The following NCMAP variants were observed in gnomAD, a reference collection of about 807,000 sequenced individuals.
The protein encoded by NCMAP is noncompact myelin-associated protein.
A neutral mutation model predicts 7.8 loss-of-function variants in NCMAP; 8 were observed. That is an observed-to-expected ratio of 1.02 (90% CI 0.60 to 1.84). The LOEUF is 1.84. Ranked by LOEUF, NCMAP falls within the 40% of genes most tolerant of loss-of-function variation. The probability of loss-of-function intolerance (pLI) is 0.00; values close to 1 mark genes in which losing one functional copy is unlikely to be tolerated. For synonymous variants in NCMAP, 41 were observed against 52.9 expected (o/e 0.78, Z 0.98); for missense variants, 112 against 131.4 (o/e 0.85, Z 0.72).
At chr1:24,567,943 G>C (rs1482679710) in intron 1 of NCMAP, among the ~76,000 whole-genome samples, 3 of 152,198 alleles carry the variant, frequency 2.0e-5, no homozygotes, top group Admixed American at 6.6e-5. Context: ...GAGTGGGCTT[G>C]ATTCTACCCA....
At chr1:24,568,886 T>G (rs894709779) in intron 1 of NCMAP, among the ~76,000 whole-genome samples, 1 of 152,028 alleles carries the variant, frequency 6.6e-6, no homozygotes, top group Non-Finnish European at 1.5e-5. Context: ...GCCTTCCAAG[T>G]AGCTAGGACT....
At position 24,608,207 on chromosome 1, in the gene NCMAP, C is replaced by T. The variant is rs1173879872; in HGVS notation, c.*2460C>T. The T allele has an allele frequency of 1.3e-5, 2 of 152,196 alleles. No homozygotes were observed. The highest frequency in any genetic ancestry group is 2.9e-5 in the Non-Finnish European group (2 of 68,024). 9.4% of individuals were successfully genotyped at this position (152,196 alleles called of 1,614,324 possible). A position where few individuals can be genotyped will look rare whatever the true frequency, so the allele number is the denominator to read the frequency against. ...TTCCAAAGTCACACAGCTAGTAAGT[C>T]ACAAAGACAAGACTCAAAACCAGGT... On this transcript the variant is annotated 3_prime_UTR_variant, in exon 4 of 4. Transcript: ENST00000374392.
At chr1:24,561,881 C>T (rs1364712225) in intron 1 of NCMAP, among the ~76,000 whole-genome samples, 1 of 148,382 alleles carries the variant, frequency 6.7e-6, no homozygotes, top group African/African-American at 2.5e-5. Context: ...CCGCACTCTA[C>T]TCTGGGGGAC....
chr1:24,607,329 C>CA lies in NCMAP; in HGVS notation c.*1582_*1583insA, dbSNP rs1162285396. 6.6e-6 allele frequency: 1 copy of CA among 151,418 alleles called. No individual in the cohort carries two copies. The highest frequency in any genetic ancestry group is 1.5e-5 in the Non-Finnish European group (1 of 67,910). 9.4% of individuals were successfully genotyped at this position (151,418 alleles called of 1,614,324 possible). A position where few individuals can be genotyped will look rare whatever the true frequency, so the allele number is the denominator to read the frequency against. On this transcript the variant is annotated 3_prime_UTR_variant, in exon 4 of 4. Transcript: ENST00000374392. ...GAGCCAACATTATTATTATTATAGG[C>CA]TTTTTTTTCAATTGCAAGATAGACA...
intron 1 of NCMAP, among the ~76,000 whole-genome samples, chr1:24,586,596 A>G (rs72886105): frequency 0.039 from 5,949 of 152,166 alleles, 380 homozygotes; most frequent in African/African-American, 0.14. Context: ...CCCAGTCTCC[A>G]CTAAAAATGC....
chr1:24,590,444 G>A (rs1226508281), intron 1 of NCMAP, among the ~76,000 whole-genome samples: 1 of 152,152 alleles, frequency 6.6e-6, no homozygotes, highest in Non-Finnish European at 1.5e-5. Context: ...TGATGTTGGT[G>A]AGGCTAGAAG....
intron 1 of NCMAP, among the ~76,000 whole-genome samples, chr1:24,582,059 AT>A (rs1462832918): frequency 1.3e-5 from 2 of 152,130 alleles, no homozygotes; most frequent in Non-Finnish European, 2.9e-5. Flanking sequence ...CCCACTCCCT[AT>A]TCCCCTACCC....
At chr1:24,565,789 G>A (rs1016697713) in intron 1 of NCMAP, among the ~76,000 whole-genome samples, 3 of 151,934 alleles carry the variant, frequency 2.0e-5, no homozygotes, top group African/African-American at 7.3e-5. Flanking sequence ...TTGTAGAGAT[G>A]GGGTCTCACT....
chr1:24,560,725 C>T (rs1651025138), intron 1 of NCMAP, among the ~76,000 whole-genome samples: 1 of 151,388 alleles, frequency 6.6e-6, no homozygotes, highest in South Asian at 2.1e-4. Context: ...GCCTGGGTGA[C>T]AGAGCAAGAC....
chr1:24,600,865 G>C (rs1443618744), intron 2 of NCMAP, 75 bp from the exon 3 acceptor site: 4 of 1,253,632 alleles, frequency 3.2e-6, no homozygotes, highest in Non-Finnish European at 4.7e-6. Context: ...AGGATGTCAG[G>C]TGCCACAGCA....
chr1:24,574,127 G>C (rs2148928676), intron 1 of NCMAP, among the ~76,000 whole-genome samples: 1 of 105,152 alleles, frequency 9.5e-6, no homozygotes, highest in East Asian at 2.4e-4. Context: ...GACTGAGAGG[G>C]GTTTTTTTTT....
In NCMAP at chr1:24,556,094, C is replaced by G. The variant is rs1261555497; in HGVS notation, c.-83C>G. 1.3e-5 allele frequency: 2 copies of G among 152,868 alleles called. No individual in the cohort carries two copies. The highest frequency in any genetic ancestry group is 4.8e-5 in the African/African-American group (2 of 41,418). The allele number at this position is 152,868 out of a possible 1,614,324, so 9.5% of individuals were successfully genotyped here. A position where few individuals can be genotyped will look rare whatever the true frequency, so the allele number is the denominator to read the frequency against. On this transcript the variant is annotated 5_prime_UTR_variant, in exon 1 of 4. Transcript: ENST00000374392. ...CGGGGGCGGGATCCCAGGGTGGCAG[C>G]GCCGGGCGGCGGCGGGGACCCTGGC...
intron 1 of NCMAP, among the ~76,000 whole-genome samples, chr1:24,595,150 C>T (rs564430799): frequency 7.2e-5 from 11 of 152,156 alleles, no homozygotes; most frequent in Non-Finnish European, 1.5e-4. Context: ...CACATAGTTT[C>T]GAGAGATTGA....
intron 1 of NCMAP, among the ~76,000 whole-genome samples, chr1:24,562,816 T>A (rs940151291): frequency 6.6e-6 from 1 of 152,148 alleles, no homozygotes; most frequent in African/African-American, 2.4e-5. Context: ...AAGCAGAGTC[T>A]ACCTCCTGCT....
chr1:24,568,175 G>A (rs1651283932), intron 1 of NCMAP, among the ~76,000 whole-genome samples: 1 of 152,156 alleles, frequency 6.6e-6, no homozygotes, highest in South Asian at 2.1e-4. Context: ...CTCAGAACCT[G>A]AGCCCGGGGG....
In NCMAP at chr1:24,576,750, A is replaced by G. The variant is rs1327344586; in HGVS notation, c.-7-18674A>G. 1.3e-5 allele frequency among the ~76,000 whole-genome samples: 2 copies of G among 152,106 alleles called. No individual in the cohort carries two copies. Among genetic ancestry groups the G allele is most frequent in the African/African-American group, 4.8e-5 (2 of 41,416 alleles). On this transcript the variant is annotated intron_variant, in intron 1 of 3. Transcript: ENST00000374392. The surrounding 1 kb of genome is among the most constrained non-coding windows in gnomAD (Gnocchi z 4.0). ...GCCCAGGGTTCTTGCCCCCCATCTC[A>G]GGCCTCTCTGTTGGAGTTTTCAAGA...
At chr1:24,579,208 T>C (rs1651679289) in intron 1 of NCMAP, among the ~76,000 whole-genome samples, 1 of 151,872 alleles carries the variant, frequency 6.6e-6, no homozygotes, top group Non-Finnish European at 1.5e-5. Flanking sequence ...TTTTTTTTTT[T>C]TTAAAGACTT....
At chr1:24,568,918 C>T (rs1003164230) in intron 1 of NCMAP, among the ~76,000 whole-genome samples, 4 of 152,222 alleles carry the variant, frequency 2.6e-5, no homozygotes, top group African/African-American at 9.6e-5. Flanking sequence ...TCACCATACC[C>T]GGCTCATAAT....
intron 1 of NCMAP, among the ~76,000 whole-genome samples, chr1:24,581,025 G>T (rs956873609): frequency 6.6e-6 from 1 of 151,632 alleles, no homozygotes; most frequent in African/African-American, 2.4e-5. Context: ...CTTGATTCTT[G>T]ATTCCTTCAC....
Sources: allele counts gnomAD v4.1 joint callset (sites outside exome capture counted in the v4.1 genomes callset), GRCh38; gene constraint gnomAD v4.1.1; non-coding constraint Gnocchi (gnomAD v3.1); transcripts MANE v1.5; gene names NCBI Gene and HGNC (gene_info 2026-07-23, HGNC 2026-07-21).